The following UGGT2 variants were observed in gnomAD, a reference collection of about 807,000 sequenced individuals.
UGGT2 encodes UDP-glucose glycoprotein glucosyltransferase 2.
Under a neutral mutation model 192.1 loss-of-function variants are expected in UGGT2, and 180 were observed. That is an observed-to-expected ratio of 0.94 (90% CI 0.83 to 1.06). UGGT2 has a LOEUF of 1.06. UGGT2 is among the 50% of genes least tolerant of loss of function. The pLI is 0.00. For missense variants in UGGT2, 1,849 were observed against 1,795.7 expected (o/e 1.03, Z -0.54); for synonymous variants, 580 against 591.0 (o/e 0.98, Z 0.27).
chr13:96,016,715 G>T (rs147146855), intron 4 of UGGT2, among the ~76,000 whole-genome samples: 1 of 152,346 alleles, frequency 6.6e-6, no homozygotes, highest in African/African-American at 2.4e-5. Context: ...GCAGTGCATA[G>T]AGGAAATGTG....
At chr13:95,969,817 C>T (rs1436402497) in intron 12 of UGGT2, among the ~76,000 whole-genome samples, 1 of 152,120 alleles carries the variant, frequency 6.6e-6, no homozygotes, top group Non-Finnish European at 1.5e-5. Flanking sequence ...AGATTTTAAC[C>T]ATGTATTTGG....
intron 33 of UGGT2, among the ~76,000 whole-genome samples, chr13:95,857,255 GATAAA>G (rs1296501950): frequency 6.6e-6 from 1 of 151,990 alleles, no homozygotes; most frequent in African/African-American, 2.4e-5. Flanking sequence ...AAAACATTCA[GATAAA>G]ATAAAAAGAA....
In UGGT2 at chr13:95,942,237, T is replaced by C. The variant is rs890086144; in HGVS notation, c.1678-2146A>G. 2.2e-5 allele frequency among the ~76,000 whole-genome samples: 3 copies of C among 138,700 alleles called. No individual in the cohort carries two copies. The East Asian group carries it at 6.1e-4, about 28-fold the overall frequency. The allele number at this position is 138,700 out of a possible 152,430, so 91.0% of individuals were successfully genotyped here. ...TAGGGTGAGGGTGTGTGTGTGTGTG[T>C]GTGTGTGTGTGTGTGTGTGTGTGTG... On this transcript the variant is annotated intron_variant, in intron 15 of 38. Coordinates refer to ENST00000376747, the MANE Select transcript of UGGT2 (RefSeq NM_020121.4).
intron 5 of UGGT2, among the ~76,000 whole-genome samples, chr13:96,000,218 G>A (rs1173588762): frequency 6.6e-6 from 1 of 152,110 alleles, no homozygotes; most frequent in African/African-American, 2.4e-5. Flanking sequence ...GTTTGCACAG[G>A]GACAGTTTTG....
At chr13:95,870,597 T>C (rs936671377) in intron 29 of UGGT2, among the ~76,000 whole-genome samples, 4 of 152,204 alleles carry the variant, frequency 2.6e-5, no homozygotes, top group Non-Finnish European at 5.9e-5. Flanking sequence ...CTCTTTCTGG[T>C]TGGTCAGTTC....
intron 7 of UGGT2, among the ~76,000 whole-genome samples, chr13:95,992,761 A>C (rs1046839768): frequency 1.3e-5 from 2 of 152,196 alleles, no homozygotes; most frequent in African/African-American, 4.8e-5. Context: ...ATTATCAAAA[A>C]GTCAAAAAGT....
At chr13:95,940,934 C>T (rs765049084) in intron 15 of UGGT2, among the ~76,000 whole-genome samples, 2 of 152,140 alleles carry the variant, frequency 1.3e-5, no homozygotes, top group African/African-American at 4.8e-5. Context: ...TGCACCTCTA[C>T]TCTTCCCCAG....
intron 1 of UGGT2, among the ~76,000 whole-genome samples, chr13:96,034,247 G>T (rs1284864150): frequency 6.6e-6 from 1 of 152,050 alleles, no homozygotes; most frequent in Non-Finnish European, 1.5e-5. Flanking sequence ...TCAGCTGAGG[G>T]CTGCAGACTC....
intron 20 of UGGT2, among the ~76,000 whole-genome samples, chr13:95,918,367 T>G (rs1010634607): frequency 6.6e-6 from 1 of 152,146 alleles, no homozygotes; most frequent in Admixed American, 6.5e-5. Context: ...AATCTCTGGA[T>G]GCAACTAAAG....
chr13:95,847,489 C>T (rs1354073235), intron 36 of UGGT2, among the ~76,000 whole-genome samples: 1 of 152,184 alleles, frequency 6.6e-6, no homozygotes, highest in African/African-American at 2.4e-5. Flanking sequence ...CTGACAACCA[C>T]TTATCTTTAT....
At chr13:95,948,218 TACACACAC>T (rs149949392) in intron 13 of UGGT2, 137 bp from the exon 14 acceptor site, 829 of 317,522 alleles carry the variant, frequency 2.6e-3, no homozygotes, top group East Asian at 0.015. Flanking sequence ...TTCTAAGGAA[TACACACAC>T]ACACACACAC....
At chr13:96,042,126 C>T (rs139715222) in intron 1 of UGGT2, among the ~76,000 whole-genome samples, 2,160 of 152,244 alleles carry the variant, frequency 0.014, 25 homozygotes, top group South Asian at 0.054. Context: ...CCATTTCACC[C>T]CCCTGCCACC....
intron 32 of UGGT2, chr13:95,860,036 A>T (rs1264596259): frequency 6.4e-6 from 1 of 155,672 alleles, no homozygotes; most frequent in African/African-American, 2.4e-5. Context: ...GAGCTGAATG[A>T]TCTATCTATA....
Position 95,812,170 on chromosome 13 carries a change from G to A in UGGT2, c.4529-10358C>T, listed in dbSNP as rs372740427. ...AAATAGCCACAGATAATACATGAAT[G>A]AATGAGCAAATCTATGTTCCAATGA... On this transcript the variant is annotated intron_variant, in intron 38 of 38. Transcript: ENST00000376747. Among the ~76,000 whole-genome samples, 91 of 152,244 alleles carry A rather than the reference G, an allele frequency of 6.0e-4. 3 individuals are homozygous for A. In the South Asian group the frequency reaches 0.018, roughly 30 times the overall value.
At chr13:96,016,878 T>C (rs958719688) in intron 4 of UGGT2, among the ~76,000 whole-genome samples, 1 of 152,090 alleles carries the variant, frequency 6.6e-6, no homozygotes, top group African/African-American at 2.4e-5. Flanking sequence ...CCCCAACCCA[T>C]GACAGCAGCC....
intron 29 of UGGT2, among the ~76,000 whole-genome samples, chr13:95,873,285 T>A (rs531968014): frequency 6.6e-6 from 1 of 152,346 alleles, no homozygotes; most frequent in South Asian, 2.1e-4. Flanking sequence ...TACACTACCA[T>A]AGCACTCTTT....
intron 4 of UGGT2, among the ~76,000 whole-genome samples, chr13:96,018,965 T>C (rs761615721): frequency 6.6e-5 from 10 of 151,482 alleles, no homozygotes; most frequent in Non-Finnish European, 1.3e-4. Flanking sequence ...ATTAAAATAT[T>C]TATATTACTA....
intron 38 of UGGT2, among the ~76,000 whole-genome samples, chr13:95,812,844 C>T (rs1208008932): frequency 2.0e-5 from 3 of 152,094 alleles, no homozygotes; most frequent in Admixed American, 6.6e-5. Context: ...CTCCCTGAGG[C>T]CTCCCCCATT....
intron 2 of UGGT2, among the ~76,000 whole-genome samples, chr13:96,029,459 T>C (rs144253425): frequency 1.5e-3 from 234 of 152,004 alleles, no homozygotes; most frequent in African/African-American, 5.2e-3. Context: ...CTAATTTGTG[T>C]ATTTTCAGTA....
Sources: allele counts gnomAD v4.1 joint callset (sites outside exome capture counted in the v4.1 genomes callset), GRCh38; gene constraint gnomAD v4.1.1; transcripts MANE v1.5; gene names NCBI Gene and HGNC (gene_info 2026-07-23, HGNC 2026-07-21).